The following CASP5 variants were observed in gnomAD, a reference collection of about 807,000 sequenced individuals.
The protein encoded by CASP5 is caspase 5.
CASP5 carries 42 observed loss-of-function variants against 45.2 expected under a neutral mutation model. That is an observed-to-expected ratio of 0.93 (90% CI 0.73 to 1.20). The LOEUF (loss-of-function observed/expected upper bound fraction) is 1.20. Ranked by LOEUF, CASP5 falls within the 50% of genes most tolerant of loss-of-function variation. The pLI is 0.00. For synonymous variants in CASP5, 209 were observed against 186.2 expected (o/e 1.12, Z -1.00); for missense variants, 512 against 532.2 (o/e 0.96, Z 0.37).
At chr11:105,000,075 A>C (rs998993279) in intron 6 of CASP5, among the ~76,000 whole-genome samples, 186 bp downstream of exon 6, 3 of 152,256 alleles carry the variant, frequency 2.0e-5, no homozygotes, top group Admixed American at 2.0e-4. Flanking sequence ...AAAATTGTAC[A>C]GAAATTTCTC....
intron 3 of CASP5, among the ~76,000 whole-genome samples, chr11:105,005,356 ATGTGTGTGTGTG>A (rs5794366): frequency 3.4e-4 from 47 of 139,340 alleles, no homozygotes; most frequent in African/African-American, 1.2e-3. Context: ...GTATATATAT[ATGTGTGTGTGTG>A]TGTGTGTGTG....
chr11:104,999,087 G>T (rs903244402), intron 6 of CASP5, 59 bp from the exon 7 acceptor site: 2 of 1,455,580 alleles, frequency 1.4e-6, no homozygotes, highest in Middle Eastern at 1.8e-4. Context: ...GAATAGAAAT[G>T]CAGAACGTGT....
chr11:104,997,678 C>T (rs1861528340), intron 7 of CASP5, among the ~76,000 whole-genome samples, 186 bp from the exon 8 acceptor site: 1 of 152,154 alleles, frequency 6.6e-6, no homozygotes, highest in Non-Finnish European at 1.5e-5. Flanking sequence ...AAAAAGACAG[C>T]TTGTAAGTAT....
intron 1 of CASP5, among the ~76,000 whole-genome samples, chr11:105,009,558 G>C (rs1172326633): frequency 7.3e-5 from 11 of 150,656 alleles, no homozygotes; most frequent in Non-Finnish European, 1.5e-4. Context: ...TCATTAAGTG[G>C]ATAAATGCAT....
chr11:105,019,426 AAAAG>A (rs1035200659), intron 1 of CASP5, among the ~76,000 whole-genome samples: 3 of 149,954 alleles, frequency 2.0e-5, no homozygotes, highest in Admixed American at 6.9e-5. Context: ...AATAAAGAAA[AAAAG>A]AGAGAAGAAT....
intron 2 of CASP5, among the ~76,000 whole-genome samples, chr11:105,007,996 G>T (rs1384418352): frequency 6.6e-6 from 1 of 152,006 alleles, no homozygotes; most frequent in Non-Finnish European, 1.5e-5. Context: ...ACTCTAGCAT[G>T]GTGAATTTAT....
intron 1 of CASP5, among the ~76,000 whole-genome samples, chr11:105,013,613 C>T (rs1591172868): frequency 6.6e-6 from 1 of 151,942 alleles, no homozygotes; most frequent in Non-Finnish European, 1.5e-5. Flanking sequence ...TCTATAAATT[C>T]TCATAGCATC....
At chr11:104,997,317 A>G (rs893565011) in intron 8 of CASP5, 66 bp downstream of exon 8, 7 of 1,120,360 alleles carry the variant, frequency 6.2e-6, no homozygotes, top group African/African-American at 3.1e-5. Flanking sequence ...TTATTCGATT[A>G]GTGAATAATG....
intron 5 of CASP5, among the ~76,000 whole-genome samples, chr11:105,000,944 T>G (rs1861695607): frequency 6.6e-6 from 1 of 152,198 alleles, no homozygotes; most frequent in African/African-American, 2.4e-5. Context: ...CTAGTCACAC[T>G]GATCTGTTGT....
intron 6 of CASP5, among the ~76,000 whole-genome samples, chr11:104,999,672 T>G (rs1467669816): frequency 6.6e-6 from 1 of 152,214 alleles, no homozygotes; most frequent in East Asian, 1.9e-4. Flanking sequence ...ATAGTGAATT[T>G]ATCATGTCAT....
intron 1 of CASP5, 184 bp from the exon 2 acceptor site, chr11:105,009,164 G>T: frequency 1.6e-6 from 1 of 614,786 alleles, no homozygotes; most frequent in Non-Finnish European, 2.8e-6. Context: ...TTCCTACCAG[G>T]CTGTGTTTAA....
In CASP5 at chr11:105,000,476, C is replaced by G. The variant is rs1210221574; in HGVS notation, c.737G>C (p.Arg246Thr). The G allele has an allele frequency of 3.1e-6, 5 of 1,614,094 alleles. No individual in the cohort carries two copies. Among genetic ancestry groups the G allele is most frequent in the Non-Finnish European group, 3.4e-6 (4 of 1,179,978 alleles). ...LTARDMESVL[R>T]AFAARPEHKS... ...GTGCTCTGGTCTGGCAGCAAATGCC[C>G]TCAGCACTGACTCCATATCCTATAA... Residue 246 changes from arginine to threonine, a missense_variant, in exon 6 of 10, where the codon AGG becomes ACG. By Grantham distance (71) the Arg-to-Thr change is moderately conservative (BLOSUM62 -1). Coordinates refer to ENST00000260315, the MANE Select transcript of CASP5 (RefSeq NM_004347.5).
intron 1 of CASP5, among the ~76,000 whole-genome samples, chr11:105,022,462 C>T (rs1311723964): frequency 6.6e-6 from 1 of 152,056 alleles, no homozygotes; most frequent in South Asian, 2.1e-4. Context: ...GGAATACGAG[C>T]TGCTTAAGTA....
intron 5 of CASP5, 134 bp from the exon 6 acceptor site, chr11:105,000,629 A>G: frequency 1.3e-6 from 1 of 758,082 alleles, no homozygotes; most frequent in Non-Finnish European, 2.1e-6. Context: ...TTACTCAGTC[A>G]TGACAGCAGT....
intron 4 of CASP5, among the ~76,000 whole-genome samples, chr11:105,003,073 A>G (rs922642898): frequency 3.9e-5 from 6 of 151,992 alleles, no homozygotes; most frequent in African/African-American, 1.5e-4. Context: ...GGTAGTGTGC[A>G]TTTGTAGTGC....
At chr11:105,022,284 C>T (rs1220295983) in intron 1 of CASP5, among the ~76,000 whole-genome samples, 1 of 151,326 alleles carries the variant, frequency 6.6e-6, no homozygotes, top group South Asian at 2.1e-4. Context: ...ACATTGTGCA[C>T]ATGTACCCTA....
At chr11:105,000,162 T>C in intron 6 of CASP5, 99 bp downstream of exon 6, 1 of 1,235,024 alleles carries the variant, frequency 8.1e-7, no homozygotes, top group Non-Finnish European at 1.2e-6. Flanking sequence ...TTATTTGCAC[T>C]GGATGGGGTC....
At chr11:104,997,160 A>AAGCTTAT (rs1405516888) in intron 8 of CASP5, among the ~76,000 whole-genome samples, 1 of 152,176 alleles carries the variant, frequency 6.6e-6, no homozygotes, top group East Asian at 1.9e-4. Flanking sequence ...CCAAAATAGG[A>AAGCTTAT]AGCTTATAGC....
chr11:105,016,712 A>G lies in CASP5; in HGVS notation c.7+6418T>C, dbSNP rs1327802240. On this transcript the variant is annotated intron_variant, in intron 1 of 9. Coordinates refer to ENST00000260315, the MANE Select transcript of CASP5 (RefSeq NM_004347.5). ...GCAGTCTGAGATCAAACTGCAAGGC[A>G]GCAGCGAGGCTGGGGGAGGGGCGCC... Among the ~76,000 whole-genome samples, 218 of 151,940 alleles carry G rather than the reference A, an allele frequency of 1.4e-3. 1 individual carries two copies. The highest frequency in any genetic ancestry group is 2.1e-3 in the Non-Finnish European group (144 of 67,906).
Sources: gnomAD v4.1 joint callset for allele counts (sites outside exome capture counted in the v4.1 genomes callset) on GRCh38, gnomAD v4.1.1 for gene constraint, MANE v1.5 for transcripts, NCBI Gene and HGNC (gene_info 2026-07-23, HGNC 2026-07-21) for gene names.